COL11A1: variants seen among roughly 807,000 people sequenced by gnomAD.
COL11A1 encodes the protein collagen alpha-1(XI) chain.
A neutral mutation model predicts 265.2 loss-of-function variants in COL11A1; 74 were observed. The observed-to-expected ratio is 0.28, with a 90% CI of 0.23 to 0.34. The LOEUF (loss-of-function observed/expected upper bound fraction) is 0.34, where lower values mean the gene tolerates loss of function less well. Ranked by LOEUF, COL11A1 falls within the 10% of genes least tolerant of loss-of-function variation. COL11A1 has a pLI of 1.00. For missense variants in COL11A1, 2,165 were observed against 2,263.6 expected (o/e 0.96, Z 0.88); for synonymous variants, 816 against 727.6 (o/e 1.12, Z -1.96).
intron 57 of COL11A1, among the ~76,000 whole-genome samples, chr1:102,897,914 TAAGA>T (rs879426725): frequency 6.6e-6 from 1 of 152,150 alleles, no homozygotes. Context: ...CCAAAGTGCA[TAAGA>T]AAGAAACAAA....
chr1:102,886,801 A>C lies in COL11A1; in HGVS notation c.4858+6T>G, dbSNP rs138202640. 1.2e-6 allele frequency: 2 copies of C among 1,613,842 alleles called. No individual in the cohort carries two copies. Among genetic ancestry groups the C allele is most frequent in the African/African-American group, 2.7e-5 (2 of 75,046 alleles). ...ACATTTGCTTTGTCATGTATTATTT[A>C]CATACCATCTGGGAAGTCAGGATGG... On this transcript the variant is annotated splice_donor_region_variant and intron_variant, in intron 63 of 66. Coordinates refer to ENST00000370096, the MANE Select transcript of COL11A1 (RefSeq NM_001854.4).
In COL11A1 at chr1:103,005,899, A is replaced by G; in HGVS notation, c.1792-8T>C. On this transcript the variant is annotated splice_region_variant and splice_polypyrimidine_tract_variant and intron_variant, in intron 17 of 66. Transcript: ENST00000370096. ...ATCAAACCCTCGATCTCCCTGTAAA[A>G]CCATCATCATCATCATCATCATCAT... The G allele has an allele frequency of 1.3e-6, 2 of 1,529,620 alleles. No individual in the cohort carries two copies. Among genetic ancestry groups the G allele is most frequent in the Middle Eastern group, 1.7e-4 (1 of 5,890 alleles). The allele number at this position is 1,529,620 out of a possible 1,614,324, so 94.8% of individuals were successfully genotyped here.
At chr1:103,008,405 A>C in intron 15 of COL11A1, 58 bp downstream of exon 15, 1 of 1,396,014 alleles carries the variant, frequency 7.2e-7, no homozygotes, top group Non-Finnish European at 1.0e-6. Context: ...TTCTCGAAGG[A>C]ATTATGCTGT....
intron 46 of COL11A1, among the ~76,000 whole-genome samples, chr1:102,930,919 C>A (rs1657340418): frequency 6.6e-6 from 1 of 151,274 alleles, no homozygotes; most frequent in African/African-American, 2.4e-5. Flanking sequence ...GTTTGTATTT[C>A]TGTGGGATCG....
At chr1:103,058,932 T>C (rs10874674) in intron 4 of COL11A1, among the ~76,000 whole-genome samples, 9,237 of 152,220 alleles carry the variant, frequency 0.061, 312 homozygotes, top group Non-Finnish European at 0.077. Context: ...GTTGTAATTG[T>C]TTTGGGGTCT....
intron 46 of COL11A1, among the ~76,000 whole-genome samples, chr1:102,928,562 C>T (rs1016899542): frequency 1.3e-4 from 20 of 152,082 alleles, no homozygotes; most frequent in African/African-American, 4.1e-4. Flanking sequence ...AATAAACATA[C>T]GTGTGCATGT....
intron 57 of COL11A1, 94 bp downstream of exon 57, chr1:102,898,029 ACC>A: frequency 1.5e-6 from 1 of 681,794 alleles, no homozygotes; most frequent in Non-Finnish European, 2.4e-6. Flanking sequence ...AAAAATACAA[ACC>A]TATTTATAAA....
At chr1:102,900,202 A>T (rs564106044) in intron 54 of COL11A1, among the ~76,000 whole-genome samples, 49 of 152,244 alleles carry the variant, frequency 3.2e-4, no homozygotes, top group African/African-American at 1.2e-3. Flanking sequence ...ATTGTACCTC[A>T]ACCCAAAGAT....
chr1:102,993,455 A>C (rs1664329546), intron 28 of COL11A1, among the ~76,000 whole-genome samples: 2 of 152,036 alleles, frequency 1.3e-5, no homozygotes, highest in South Asian at 4.1e-4. Context: ...ACTTTAAATC[A>C]CCTCTAGAAT....
intron 54 of COL11A1, among the ~76,000 whole-genome samples, chr1:102,907,895 C>A (rs72983740): frequency 0.019 from 2,955 of 152,000 alleles, 95 homozygotes; most frequent in African/African-American, 0.067. Flanking sequence ...TGGATATGTG[C>A]AAAATGTCAT....
chr1:102,934,239 C>A (rs1237579223), intron 46 of COL11A1, among the ~76,000 whole-genome samples: 1 of 152,232 alleles, frequency 6.6e-6, no homozygotes, highest in Admixed American at 6.5e-5. Context: ...GGAGCGAGGG[C>A]TGATACATGT....
At chr1:103,018,691 T>C (rs1666758876) in intron 10 of COL11A1, 127 bp downstream of exon 10, 3 of 757,590 alleles carry the variant, frequency 4.0e-6, no homozygotes, top group East Asian at 5.5e-5. Context: ...CCAGCTCCTC[T>C]GAACAAATGT....
chr1:102,973,710 A>G (rs1019361223), intron 36 of COL11A1, among the ~76,000 whole-genome samples: 1 of 152,150 alleles, frequency 6.6e-6, no homozygotes, highest in South Asian at 2.1e-4. Flanking sequence ...ATTTAACACT[A>G]GCCATATGTA....
rs1673798797 is a variant in COL11A1 at position 103,096,717 on chromosome 1, TA to T, written c.106+11355del. 1.3e-5 allele frequency among the ~76,000 whole-genome samples: 2 copies of T among 151,900 alleles called. 1 individual carries two copies. Among genetic ancestry groups the T allele is most frequent in the African/African-American group, 4.8e-5 (2 of 41,396 alleles). ...TCCACTGAAAGAGAACTTTAAGACT[TA>T]AAAAAATGCTGACAATAAACAATTG... is the stretch of plus-strand genomic sequence containing the variant. On this transcript the variant is annotated intron_variant, in intron 1 of 66. Coordinates refer to ENST00000370096, the MANE Select transcript of COL11A1 (RefSeq NM_001854.4).
intron 4 of COL11A1, among the ~76,000 whole-genome samples, chr1:103,054,703 A>T (rs1042717948): frequency 9.9e-5 from 15 of 152,082 alleles, no homozygotes; most frequent in African/African-American, 2.7e-4. Context: ...GGAGTTCGAG[A>T]CCAGCCTCGC....
At position 102,914,416 on chromosome 1, in the gene COL11A1, G is replaced by A. The variant is rs192518657; in HGVS notation, c.3925-11C>T. ...AAAACCAACAGGACCCTAGAATGAC[G>A]TTTTGAAAGAAAAAGAAATAAATGA... On this transcript the variant is annotated splice_polypyrimidine_tract_variant and intron_variant, in intron 51 of 66. Transcript: ENST00000370096. The A allele has an allele frequency of 3.8e-4, 603 of 1,599,918 alleles. 2 individuals carry two copies. In the African/African-American group the frequency reaches 6.9e-3, roughly 18 times the overall value.
intron 46 of COL11A1, among the ~76,000 whole-genome samples, chr1:102,933,119 G>C (rs1657691746): frequency 6.7e-6 from 1 of 150,342 alleles, no homozygotes; most frequent in Non-Finnish European, 1.5e-5. Flanking sequence ...ATCCAGCTTT[G>C]TTCCATTGCT....
At chr1:103,032,376 A>AT (rs575916282) in intron 4 of COL11A1, among the ~76,000 whole-genome samples, 5 of 152,100 alleles carry the variant, frequency 3.3e-5, no homozygotes, top group Admixed American at 6.6e-5. Flanking sequence ...CACAATATTC[A>AT]TTTTTTTATT....
At chr1:102,970,779 G>A (rs1055866984) in intron 36 of COL11A1, among the ~76,000 whole-genome samples, 3 of 152,090 alleles carry the variant, frequency 2.0e-5, no homozygotes, top group Admixed American at 2.0e-4. Context: ...ACTTTGGGAG[G>A]TCGAGGCGGG....
Sources: allele counts gnomAD v4.1 joint callset (sites outside exome capture counted in the v4.1 genomes callset), GRCh38; gene constraint gnomAD v4.1.1; transcripts MANE v1.5; gene names NCBI Gene and HGNC (gene_info 2026-07-23, HGNC 2026-07-21).